Variants in TENM3 observed in about 807,000 individuals in gnomAD.
The protein encoded by TENM3 is teneurin transmembrane protein 3, also known as teneurin-3.
A neutral mutation model predicts 255.1 loss-of-function variants in TENM3; 63 were observed. The observed-to-expected ratio is 0.25, with a 90% CI of 0.20 to 0.30. The LOEUF (loss-of-function observed/expected upper bound fraction) is 0.30. Among genes scored for constraint, TENM3 ranks in the 10% least tolerant of loss-of-function variants. The pLI is 1.00. For synonymous variants in TENM3, 1,306 were observed against 1,322.3 expected (o/e 0.99, Z 0.27); for missense variants, 2,929 against 3,461.1 (o/e 0.85, Z 3.86).
In TENM3 at chr4:182,371,258, C is replaced by CACAT. The variant is rs1554056655; in HGVS notation, c.511+24332_511+24333insTACA. On this transcript the variant is annotated intron_variant, in intron 3 of 27. Transcript: ENST00000511685. ...ACACACACACACACACACACACACACACAGACTTTCTTATGTTTTAATGCA... is the reference window on the plus strand; with the variant it reads ...ACACACACACACACACACACACACACACATACAGACTTTCTTATGTTTTAATGCA... Among the ~76,000 whole-genome samples the CACAT allele has an allele frequency of 2.5e-4, 33 of 132,842 alleles. 1 individual carries two copies. Among genetic ancestry groups the CACAT allele is most frequent in the Admixed American group, 2.4e-3 (33 of 13,508 alleles). The allele number at this position is 132,842 out of a possible 152,430, so 87.1% of individuals were successfully genotyped here.
intron 3 of TENM3, among the ~76,000 whole-genome samples, chr4:182,527,014 G>A (rs1311370888): frequency 1.3e-5 from 2 of 151,396 alleles, no homozygotes. Context: ...GAAATCTGCT[G>A]GTATGTATAA....
chr4:182,656,068 A>G (rs181119296), intron 6 of TENM3, among the ~76,000 whole-genome samples: 137 of 152,322 alleles, frequency 9.0e-4, no homozygotes, highest in Non-Finnish European at 1.6e-3. Flanking sequence ...CCAAGTGATC[A>G]TAGAATTCAG....
intron 3 of TENM3, chr4:182,448,912 GC>G: frequency 5.9e-6 from 2 of 339,706 alleles, no homozygotes; most frequent in Non-Finnish European, 6.0e-6. Flanking sequence ...GCGGCGCACC[GC>G]CCCCTCGGCG....
chr4:182,100,534 C>CAT, the TENM3 span, among the ~76,000 whole-genome samples: 17 of 131,194 alleles, frequency 1.3e-4, 1 homozygote, highest in South Asian at 1.2e-3. Flanking sequence ...TATATACACA[C>CAT]ATATATATAT....
chr4:181,741,434 G>A, the TENM3 span, among the ~76,000 whole-genome samples: 1 of 152,078 alleles, frequency 6.6e-6, no homozygotes, highest in Non-Finnish European at 1.5e-5. Flanking sequence ...ATCACTGTGT[G>A]CTTCATTAGT....
At chr4:181,728,748 T>A in the TENM3 span, among the ~76,000 whole-genome samples, 1 of 152,168 alleles carries the variant, frequency 6.6e-6, no homozygotes, top group African/African-American at 2.4e-5. Context: ...TATCTCACCC[T>A]GTGACTAAGA....
intron 3 of TENM3, among the ~76,000 whole-genome samples, chr4:182,415,308 A>G (rs929730142): frequency 2.6e-5 from 4 of 152,224 alleles, no homozygotes. Context: ...AAATGTCGGA[A>G]ATGTGCTATA....
the TENM3 span, among the ~76,000 whole-genome samples, chr4:181,883,561 G>A: frequency 7.2e-5 from 11 of 152,016 alleles, no homozygotes; most frequent in African/African-American, 2.4e-4. Flanking sequence ...TGCAAGCTCC[G>A]CCTCCCAGGT....
the TENM3 span, among the ~76,000 whole-genome samples, chr4:181,451,570 G>T: frequency 6.6e-6 from 1 of 152,162 alleles, no homozygotes; most frequent in East Asian, 1.9e-4. Context: ...AAGAAGAAAA[G>T]AGTGAAGGTG....
At chr4:182,009,608 T>A in the TENM3 span, among the ~76,000 whole-genome samples, 1 of 152,130 alleles carries the variant, frequency 6.6e-6, no homozygotes, top group African/African-American at 2.4e-5. Flanking sequence ...CCTGGAGCTA[T>A]AGAAATGGGT....
the TENM3 span, among the ~76,000 whole-genome samples, chr4:181,557,562 T>C: frequency 7.1e-3 from 1,088 of 152,342 alleles, 7 homozygotes; most frequent in African/African-American, 0.024. Flanking sequence ...GGTCTCACTC[T>C]ATTGCTCAGG....
the TENM3 span, among the ~76,000 whole-genome samples, chr4:182,039,218 C>A: frequency 6.6e-6 from 1 of 152,158 alleles, no homozygotes; most frequent in Non-Finnish European, 1.5e-5. Flanking sequence ...ATCCTGTTTT[C>A]TTGGTTGAAA....
intron 1 of TENM3, among the ~76,000 whole-genome samples, chr4:182,263,009 A>C (rs1287109548): frequency 6.6e-6 from 1 of 151,884 alleles, no homozygotes; most frequent in East Asian, 1.9e-4. Context: ...TTTACTTTGC[A>C]CTGTGGACTC....
chr4:182,158,517 C>T (rs1750873963), intron 1 of TENM3, among the ~76,000 whole-genome samples: 1 of 152,160 alleles, frequency 6.6e-6, no homozygotes, highest in Non-Finnish European at 1.5e-5. Flanking sequence ...ATGCCATCCT[C>T]TTCTACCCAT....
At chr4:182,003,634 T>A in the TENM3 span, among the ~76,000 whole-genome samples, 1 of 152,256 alleles carries the variant, frequency 6.6e-6, no homozygotes, top group East Asian at 1.9e-4. Flanking sequence ...TATTTACACA[T>A]TGTGAGCTTC....
chr4:181,834,789 G>A, the TENM3 span: 1 of 152,188 alleles, frequency 6.6e-6, no homozygotes, highest in Non-Finnish European at 1.5e-5. Flanking sequence ...TTGGGGGTTG[G>A]TCTAGGAGTA....
the TENM3 span, among the ~76,000 whole-genome samples, chr4:182,053,769 A>G: frequency 1.3e-5 from 2 of 152,118 alleles, no homozygotes; most frequent in African/African-American, 4.8e-5. Flanking sequence ...TAATCTGTTC[A>G]CTTGAATTGA....
chr4:181,637,684 A>G, the TENM3 span, among the ~76,000 whole-genome samples: 1 of 152,202 alleles, frequency 6.6e-6, no homozygotes, highest in Non-Finnish European at 1.5e-5. Context: ...GAATCTCAAC[A>G]TACAAATGTG....
intron 1 of TENM3, among the ~76,000 whole-genome samples, chr4:182,146,692 T>G (rs1272847875): frequency 6.6e-6 from 1 of 152,184 alleles, no homozygotes; most frequent in African/African-American, 2.4e-5. Flanking sequence ...TTATAAAAAA[T>G]GTAGTTGTAC....
Sources: allele counts gnomAD v4.1 joint callset (sites outside exome capture counted in the v4.1 genomes callset), GRCh38; gene constraint gnomAD v4.1.1; transcripts MANE v1.5; gene names NCBI Gene and HGNC (gene_info 2026-07-23, HGNC 2026-07-21).